GPC6: variants seen among roughly 807,000 people sequenced by gnomAD.
GPC6 encodes the protein glypican-6.
In GPC6, 14 loss-of-function variants were observed where a neutral mutation model predicts 55.2. The ratio of observed to expected loss-of-function variants is 0.25; its 90% CI spans 0.17 to 0.40. The LOEUF is 0.40. Among genes scored for constraint, GPC6 ranks in the 10% least tolerant of loss-of-function variants. The pLI is 1.00. For missense variants in GPC6, 641 were observed against 708.5 expected, an observed-to-expected ratio of 0.90 and a Z score of 1.08; for synonymous variants, 278 against 259.6, an observed-to-expected ratio of 1.07 and a Z score of -0.68.
the GPC6 span, among the ~76,000 whole-genome samples, chr13:93,217,350 T>G: frequency 2.0e-5 from 3 of 152,266 alleles, no homozygotes; most frequent in African/African-American, 7.2e-5. Context: ...GTTAGTTATT[T>G]TTTGAAATAT....
At chr13:93,308,988 G>T (rs968187084) in intron 1 of GPC6, among the ~76,000 whole-genome samples, 1 of 152,056 alleles carries the variant, frequency 6.6e-6, no homozygotes, top group East Asian at 1.9e-4. Context: ...TCCATTTTTT[G>T]ATTTAATGGG....
intron 2 of GPC6, among the ~76,000 whole-genome samples, chr13:93,568,210 C>T (rs1876231109): frequency 6.6e-6 from 1 of 152,146 alleles, no homozygotes; most frequent in Non-Finnish European, 1.5e-5. Context: ...TAATAGGCTG[C>T]CTACATTTTT....
In GPC6 at chr13:94,310,827, T is replaced by C. The variant is rs536331179; in HGVS notation, c.1152+4704T>C. On this transcript the variant is annotated intron_variant, in intron 6 of 8. Transcript: ENST00000377047. The stretch of plus-strand genomic sequence containing the variant: ...CAGCTCATCGAATGGCTGATTTAAA[T>C]TCTGTCCCAATGTTCAGACGATGCG... Among the ~76,000 whole-genome samples the C allele has an allele frequency of 3.7e-4, 56 of 152,318 alleles. No homozygotes were observed. In the Middle Eastern group the frequency reaches 0.01, roughly 28 times the overall value.
intron 1 of GPC6, among the ~76,000 whole-genome samples, chr13:93,463,638 T>A: frequency 6.6e-6 from 1 of 152,226 alleles, no homozygotes; most frequent in East Asian, 1.9e-4. Context: ...CTTTATCAGT[T>A]GAATTAGAGA....
At chr13:94,301,271 C>T (rs1875634993) in intron 5 of GPC6, among the ~76,000 whole-genome samples, 1 of 152,112 alleles carries the variant, frequency 6.6e-6, no homozygotes, top group African/African-American at 2.4e-5. Context: ...TTGGCATGCA[C>T]CTGTGGTCCC....
chr13:93,908,496 G>A (rs1876789859), intron 3 of GPC6, among the ~76,000 whole-genome samples: 1 of 152,130 alleles, frequency 6.6e-6, no homozygotes, highest in African/African-American at 2.4e-5. Context: ...AGAGTGGCAG[G>A]GTTTTCCCTT....
chr13:93,682,774 G>A lies in GPC6; in HGVS notation c.319+137353G>A, dbSNP rs116000139. Among the ~76,000 whole-genome samples the A allele has an allele frequency of 6.0e-3, 907 of 151,656 alleles. 7 individuals carry two copies. The highest frequency in any genetic ancestry group is 0.02 in the African/African-American group (840 of 41,328). ...TGTAATCCCAGCACTTTGGGAGGCT[G>A]GAGCTGGCAGACCTCTTGAGCCCAG... On this transcript the variant is annotated intron_variant, in intron 2 of 8. Transcript: ENST00000377047.
In GPC6 at chr13:93,413,327, C is replaced by T. The variant is rs548422058; in HGVS notation, c.161-131936C>T. 5.3e-5 allele frequency among the ~76,000 whole-genome samples: 8 copies of T among 152,110 alleles called. No homozygotes were observed. In the South Asian group the frequency reaches 8.3e-4, roughly 16 times the overall value. The stretch of plus-strand genomic sequence containing the variant: ...TATTGCAGGGTTTAATAATCAATAT[C>T]GCTGCAACTGAGTCTATTTAAAAAT... On this transcript the variant is annotated intron_variant, in intron 1 of 8. Transcript: ENST00000377047.
chr13:93,347,710 T>C (rs1467787134), intron 1 of GPC6, among the ~76,000 whole-genome samples: 1 of 152,186 alleles, frequency 6.6e-6, no homozygotes, highest in Non-Finnish European at 1.5e-5. Flanking sequence ...AGCTTTGATC[T>C]TTATTAGTTT....
chr13:93,603,505 A>G (rs1030494852), intron 2 of GPC6, among the ~76,000 whole-genome samples: 4 of 152,216 alleles, frequency 2.6e-5, no homozygotes, highest in Non-Finnish European at 5.9e-5. Context: ...ATTTAACTAC[A>G]TAGGTATTAT....
At position 93,587,435 on chromosome 13, in the gene GPC6, G is replaced by A. The variant is rs1877257546; in HGVS notation, c.319+42014G>A. On this transcript the variant is annotated intron_variant, in intron 2 of 8. Transcript: ENST00000377047. ...CTTTTATATCTTTATTTAATTGAAG[G>A]ATTAAAAAGACAAACTCATAGTTTC... Among the ~76,000 whole-genome samples, 4 of 152,062 alleles carry A rather than the reference G, an allele frequency of 2.6e-5. 1 individual carries two copies. In the South Asian group the frequency reaches 8.3e-4, roughly 32 times the overall value.
intron 5 of GPC6, among the ~76,000 whole-genome samples, chr13:94,289,313 G>C (rs1264396906): frequency 6.6e-6 from 1 of 152,078 alleles, no homozygotes; most frequent in Non-Finnish European, 1.5e-5. Flanking sequence ...AGTTTGTCTT[G>C]AGTCTGCTGC....
chr13:93,942,409 T>G (rs911297144), intron 3 of GPC6, among the ~76,000 whole-genome samples: 2 of 152,136 alleles, frequency 1.3e-5, no homozygotes, highest in African/African-American at 4.8e-5. Context: ...AGACTCGAAC[T>G]CCCAGGCTTT....
At chr13:94,170,664 A>C (rs1046920127) in intron 4 of GPC6, among the ~76,000 whole-genome samples, 1 of 152,312 alleles carries the variant, frequency 6.6e-6, no homozygotes, top group South Asian at 2.1e-4. Flanking sequence ...CACGTTTTCA[A>C]ATTTGAAACT....
intron 2 of GPC6, among the ~76,000 whole-genome samples, chr13:93,774,838 C>T (rs1268578696): frequency 6.6e-6 from 1 of 152,076 alleles, no homozygotes; most frequent in Non-Finnish European, 1.5e-5. Flanking sequence ...AGCTAGTAAT[C>T]TAATTTCAGA....
chr13:93,783,660 A>G (rs1163543579), intron 2 of GPC6, among the ~76,000 whole-genome samples: 3 of 152,164 alleles, frequency 2.0e-5, no homozygotes, highest in Middle Eastern at 3.2e-3. Flanking sequence ...GCCACCACCC[A>G]TCACTGTTAT....
intron 2 of GPC6, among the ~76,000 whole-genome samples, chr13:93,812,776 G>A (rs926932220): frequency 6.6e-6 from 1 of 152,134 alleles, no homozygotes; most frequent in African/African-American, 2.4e-5. Flanking sequence ...ACTATGTGCT[G>A]TGCCACACAC....
At chr13:93,785,860 G>A (rs941682319) in intron 2 of GPC6, among the ~76,000 whole-genome samples, 2 of 152,148 alleles carry the variant, frequency 1.3e-5, no homozygotes, top group African/African-American at 4.8e-5. Context: ...TACTTGGGAG[G>A]CTGAAGTGAA....
chr13:93,348,911 T>C (rs141043351), intron 1 of GPC6, among the ~76,000 whole-genome samples: 5 of 152,134 alleles, frequency 3.3e-5, no homozygotes, highest in African/African-American at 4.8e-5. Flanking sequence ...TTTTTTCCCC[T>C]CCATAGAGAA....
Sources: gnomAD v4.1 joint callset for allele counts (sites outside exome capture counted in the v4.1 genomes callset) on GRCh38, gnomAD v4.1.1 for gene constraint, MANE v1.5 for transcripts, NCBI Gene and HGNC (gene_info 2026-07-23, HGNC 2026-07-21) for gene names.